The following SUPT3H variants were observed in gnomAD, a reference collection of about 807,000 sequenced individuals.
SUPT3H encodes SPT3 homolog, SAGA and STAGA complex component.
In SUPT3H, 44 loss-of-function variants were observed where a neutral mutation model predicts 44.3. The ratio of observed to expected loss-of-function variants is 0.99; its 90% CI spans 0.78 to 1.28. The LOEUF (loss-of-function observed/expected upper bound fraction) is 1.28. Among genes scored for constraint, SUPT3H ranks in the 50% most tolerant of loss-of-function variants. The pLI is 0.00. For synonymous variants in SUPT3H, 124 were observed against 125.6 expected, an observed-to-expected ratio of 0.99 and a Z score of 0.09; for missense variants, 380 against 387.1, an observed-to-expected ratio of 0.98 and a Z score of 0.15.
At chr6:45,041,423 G>T (rs1788516889) in intron 3 of SUPT3H, among the ~76,000 whole-genome samples, 2 of 152,136 alleles carry the variant, frequency 1.3e-5, no homozygotes, top group African/African-American at 4.8e-5. Context: ...CATGTCCAAA[G>T]ACTTCTGGAC....
chr6:45,274,873 T>C, intron 2 of SUPT3H, among the ~76,000 whole-genome samples: 1 of 152,034 alleles, frequency 6.6e-6, no homozygotes, highest in Non-Finnish European at 1.5e-5. Context: ...AAAACCCTGT[T>C]TCAAAAAAAG....
intron 3 of SUPT3H, among the ~76,000 whole-genome samples, chr6:45,036,084 T>G (rs1489970022): frequency 6.6e-6 from 1 of 152,136 alleles, no homozygotes; most frequent in African/African-American, 2.4e-5. Context: ...TTCTCAATGG[T>G]AGGGACACAG....
intron 2 of SUPT3H, among the ~76,000 whole-genome samples, chr6:45,107,715 T>C (rs1274983645): frequency 2.0e-5 from 3 of 152,140 alleles, no homozygotes; most frequent in Non-Finnish European, 4.4e-5. Flanking sequence ...AGAATTCCCA[T>C]GGATGACATA....
chr6:44,905,493 T>C (rs931233335), intron 10 of SUPT3H, among the ~76,000 whole-genome samples: 2 of 150,494 alleles, frequency 1.3e-5, no homozygotes, highest in Non-Finnish European at 3.0e-5. Context: ...CCAGTTAGAA[T>C]GGCAATCATT....
intron 3 of SUPT3H, among the ~76,000 whole-genome samples, chr6:45,060,357 C>A (rs1303727224): frequency 6.6e-6 from 1 of 152,020 alleles, no homozygotes; most frequent in Non-Finnish European, 1.5e-5. Flanking sequence ...GAAAAGATTC[C>A]CTATTTAATA....
chr6:45,028,794 T>C (rs1383995791), intron 3 of SUPT3H, among the ~76,000 whole-genome samples: 9 of 149,812 alleles, frequency 6.0e-5, no homozygotes, highest in South Asian at 2.1e-4. Flanking sequence ...TAGAGGAAGA[T>C]GCGTTCACTA....
intron 3 of SUPT3H, among the ~76,000 whole-genome samples, chr6:45,069,806 T>C (rs1794092180): frequency 6.6e-6 from 1 of 152,140 alleles, no homozygotes; most frequent in Admixed American, 6.6e-5. Flanking sequence ...TTCAAAAGTA[T>C]TTGAATGGTA....
intron 2 of SUPT3H, among the ~76,000 whole-genome samples, chr6:45,275,047 G>A (rs1776786360): frequency 6.6e-6 from 1 of 151,938 alleles, no homozygotes; most frequent in Non-Finnish European, 1.5e-5. Context: ...CCTGAAACTT[G>A]GTATATATGT....
chr6:45,095,547 T>C lies in SUPT3H; in HGVS notation c.186+10375A>G, dbSNP rs9463066. On this transcript the variant is annotated intron_variant, in intron 3 of 10. Coordinates refer to ENST00000371459, the MANE Select transcript of SUPT3H (RefSeq NM_003599.4). The surrounding 1 kb of genome is among the most constrained non-coding windows in gnomAD (Gnocchi z 4.1). ...ATAATTAAGGAGAATTAGCTAAACATGATAAATTGGTTCTGATGTGAAAAC... is the reference window on the plus strand; with the variant it reads ...ATAATTAAGGAGAATTAGCTAAACACGATAAATTGGTTCTGATGTGAAAAC... 0.14 allele frequency among the ~76,000 whole-genome samples: 21,807 copies of C among 152,120 alleles called. 2,111 individuals are homozygous for C. Among genetic ancestry groups the C allele is most frequent in the African/African-American group, 0.27 (11,270 of 41,498 alleles).
In SUPT3H at chr6:45,201,931, C is replaced by A. The variant is rs531013301; in HGVS notation, c.102-95925G>T. Among the ~76,000 whole-genome samples the A allele has an allele frequency of 3.9e-5, 6 of 151,974 alleles. No individual in the cohort carries two copies. The South Asian group carries it at 1.2e-3, about 32-fold the overall frequency. Reference sequence around the variant, plus strand: ...CAACTAGTTAAGCCCATAAAATGTACATTTTCAAATTATGTTAACATGTTA... The same window carrying A: ...CAACTAGTTAAGCCCATAAAATGTAAATTTTCAAATTATGTTAACATGTTA... On this transcript the variant is annotated intron_variant, in intron 2 of 10. Transcript: ENST00000371459.
chr6:45,291,153 C>T (rs762290654), intron 2 of SUPT3H, among the ~76,000 whole-genome samples: 2 of 152,112 alleles, frequency 1.3e-5, no homozygotes, highest in Non-Finnish European at 2.9e-5. Context: ...AATACCAGCC[C>T]AGAGCCTGGT....
chr6:45,250,586 G>A (rs886326084), intron 2 of SUPT3H, among the ~76,000 whole-genome samples: 4 of 151,912 alleles, frequency 2.6e-5, no homozygotes, highest in Non-Finnish European at 4.4e-5. Context: ...AGCAATTCCG[G>A]AAAGCTGAAA....
intron 2 of SUPT3H, among the ~76,000 whole-genome samples, chr6:45,271,872 A>G (rs914048443): frequency 2.0e-5 from 3 of 152,156 alleles, no homozygotes; most frequent in African/African-American, 7.2e-5. Context: ...GACCATGGGA[A>G]CCCACCTCTT....
chr6:44,853,718 G>A (rs931364456), intron 10 of SUPT3H, among the ~76,000 whole-genome samples: 1 of 152,066 alleles, frequency 6.6e-6, no homozygotes. Context: ...CTATAAACAG[G>A]AGTAGTGGTT....
chr6:45,287,558 G>T (rs1217124197), intron 2 of SUPT3H, among the ~76,000 whole-genome samples: 1 of 152,076 alleles, frequency 6.6e-6, no homozygotes. Context: ...AATTTGTATG[G>T]TCCAATTCAA....
At chr6:44,939,522 T>C (rs1772052149) in intron 9 of SUPT3H, among the ~76,000 whole-genome samples, 4 of 152,130 alleles carry the variant, frequency 2.6e-5, no homozygotes, top group Admixed American at 2.6e-4. Flanking sequence ...TCTGTACTTT[T>C]CTGTTTTTGT....
At chr6:45,043,182 A>ACACAC (rs1562325647) in intron 3 of SUPT3H, among the ~76,000 whole-genome samples, 9 of 114,910 alleles carry the variant, frequency 7.8e-5, no homozygotes, top group African/African-American at 2.3e-4. Context: ...CACACACACA[A>ACACAC]ACACCAAAAC....
intron 2 of SUPT3H, among the ~76,000 whole-genome samples, chr6:45,230,612 C>T (rs1239104127): frequency 1.5e-5 from 2 of 137,578 alleles, no homozygotes. Context: ...AAGTGAAGTA[C>T]ACTTCTGGTA....
chr6:44,998,747 T>C (rs895866753), intron 6 of SUPT3H, among the ~76,000 whole-genome samples: 1 of 152,002 alleles, frequency 6.6e-6, no homozygotes, highest in Non-Finnish European at 1.5e-5. Context: ...AATTTAATTA[T>C]ATGTCTTCTT....
Sources: allele counts gnomAD v4.1 joint callset (sites outside exome capture counted in the v4.1 genomes callset), GRCh38; gene constraint gnomAD v4.1.1; non-coding constraint Gnocchi (gnomAD v3.1); transcripts MANE v1.5; gene names NCBI Gene and HGNC (gene_info 2026-07-23, HGNC 2026-07-21).